The following FETUB variants were observed in gnomAD, a reference collection of about 807,000 sequenced individuals.
The protein encoded by FETUB is fetuin B, also known as fetuin-B.
A neutral mutation model predicts 30.9 loss-of-function variants in FETUB; 28 were observed. The ratio of observed to expected loss-of-function variants is 0.90; its 90% CI spans 0.67 to 1.24. The LOEUF is 1.24. Ranked by LOEUF, FETUB falls within the 50% of genes most tolerant of loss-of-function variation. The probability of loss-of-function intolerance (pLI) is 0.00; values close to 1 mark genes in which losing one functional copy is unlikely to be tolerated. For synonymous variants in FETUB, 186 were observed against 175.9 expected, an observed-to-expected ratio of 1.06 and a Z score of -0.45; for missense variants, 469 against 455.3, an observed-to-expected ratio of 1.03 and a Z score of -0.27.
chr3:186,637,469 G>C (rs1716808333), upstream of FETUB, among the ~76,000 whole-genome samples: 1 of 152,154 alleles, frequency 6.6e-6, no homozygotes, highest in Non-Finnish European at 1.5e-5. Context: ...GTCTCTCTCA[G>C]CTCTGCAGCC....
Position 186,641,023 on chromosome 3 carries a change from C to A in FETUB, c.226-7C>A, listed in dbSNP as rs1303179679. 1.3e-6 allele frequency: 2 copies of A among 1,583,040 alleles called. No homozygotes were observed. The highest frequency in any genetic ancestry group is 1.7e-5 in the Admixed American group (1 of 59,926). ...AATGTATTGCATTTCTCTACCCCTT[C>A]CCACAGGGTGGCCTGGGATCTCTGT... On this transcript the variant is annotated splice_region_variant and splice_polypyrimidine_tract_variant and intron_variant, in intron 1 of 6. Transcript: ENST00000265029.
rs375098849 is a variant in FETUB, at chr3:186,644,675, A to G, written c.425-76A>G. On this transcript the variant is annotated intron_variant, in intron 3 of 6. Transcript: ENST00000265029. Reference sequence around the variant, plus strand: ...ATTCCAGAGGTAACTTCCTCACCCCATCCTTGCCTCTTTACAGTCATATGA... The same window carrying G: ...ATTCCAGAGGTAACTTCCTCACCCCGTCCTTGCCTCTTTACAGTCATATGA... 1.0e-5 allele frequency: 12 copies of G among 1,205,140 alleles called. No homozygotes were observed. In the East Asian group the frequency reaches 1.2e-4, roughly 12 times the overall value. The allele number at this position is 1,205,140 out of a possible 1,614,324, so 74.7% of individuals were successfully genotyped here. A position where few individuals can be genotyped will look rare whatever the true frequency, so the allele number is the denominator to read the frequency against.
upstream of FETUB, among the ~76,000 whole-genome samples, chr3:186,636,919 C>T (rs776176348): frequency 6.6e-6 from 1 of 152,154 alleles, no homozygotes; most frequent in Non-Finnish European, 1.5e-5. Context: ...TCTTGACTTC[C>T]CCAGTAGAAC....
In FETUB at chr3:186,642,362, C is replaced by A. The variant is rs946258378; in HGVS notation, c.337-109C>A. 58 of 692,016 alleles carry A rather than the reference C, an allele frequency of 8.4e-5. 1 individual carries two copies. Among genetic ancestry groups the A allele is most frequent in the South Asian group, 3.9e-4 (22 of 56,246 alleles). 42.9% of individuals were successfully genotyped at this position (692,016 alleles called of 1,614,324 possible). A position where few individuals can be genotyped will look rare whatever the true frequency, so the allele number is the denominator to read the frequency against. On this transcript the variant is annotated intron_variant, in intron 2 of 6. Transcript: ENST00000265029. Reference sequence around the variant, plus strand: ...CCCAGCCAAAACCACAGAATTTGATCTTAAGTTTCTAACTACTTTAAAAGA... The same window carrying A: ...CCCAGCCAAAACCACAGAATTTGATATTAAGTTTCTAACTACTTTAAAAGA...
rs146211091 is a variant in FETUB, at chr3:186,642,233, A to T, written c.337-238A>T. 2,012 of 458,010 alleles carry T rather than the reference A, an allele frequency of 4.4e-3. 16 individuals carry two copies. The highest frequency in any genetic ancestry group is 5.7e-3 in the Non-Finnish European group (1,481 of 258,570). The allele number at this position is 458,010 out of a possible 1,614,324, so 28.4% of individuals were successfully genotyped here. A position where few individuals can be genotyped will look rare whatever the true frequency, so the allele number is the denominator to read the frequency against. ...CACTTCTGCTCACCTTCCTGTGGTT[A>T]GAACTCAATTATACACAGTCACACG... On this transcript the variant is annotated intron_variant, in intron 2 of 6. Transcript: ENST00000265029.
chr3:186,652,596 G>A lies in FETUB; in HGVS notation c.1114G>A (p.Ala372Thr). Residue 372 changes from alanine (A) to threonine (T), a missense_variant, in exon 7 of 7, where the codon GCC becomes ACC. Coordinates refer to ENST00000265029, the MANE Select transcript of FETUB (RefSeq NM_014375.3). The part of the protein sequence containing the change: ...KARTAECPGP[A>T]QNASPLVLPP ...ACGCACTGCTGAGTGCCCAGGGCCA[G>A]CCCAGAATGCCAGCCCTCTTGTCCT... 6.2e-7 allele frequency: 1 copy of A among 1,611,568 alleles called. No individual in the cohort carries two copies. Among genetic ancestry groups the A allele is most frequent in the Non-Finnish European group, 8.5e-7 (1 of 1,179,304 alleles).
chr3:186,645,338 G>A (rs1560023403), intron 4 of FETUB, among the ~76,000 whole-genome samples: 1 of 152,140 alleles, frequency 6.6e-6, no homozygotes, highest in Non-Finnish European at 1.5e-5. Context: ...TTTGTATTTA[G>A]ATTATGTTGA....
rs1717371298 is a variant in FETUB at position 186,644,887 on chromosome 3, T to G, written c.561T>G (p.Tyr187Ter). 1 of 1,613,706 alleles carries G rather than the reference T, an allele frequency of 6.2e-7. No homozygotes were observed. The highest frequency in any genetic ancestry group is 1.3e-5 in the African/African-American group (1 of 75,010). ...KYNNENTSKQ[Y>*]SLFKVTRASS... ...ACAATGAGAACACATCCAAGCAGTA[T>G]TCTCTCTTCAAAGTCACCAGGGCTT... Residue 187 changes from tyrosine (Y) to a stop codon, truncating the protein, a stop_gained, in exon 4 of 7, where the codon TAT becomes TAG. Transcript: ENST00000265029. LOFTEE classifies it high-confidence loss of function.
At chr3:186,646,812 C>G (rs137946584) in intron 5 of FETUB, among the ~76,000 whole-genome samples, 3 of 152,294 alleles carry the variant, frequency 2.0e-5, no homozygotes, top group African/African-American at 7.2e-5. Context: ...CACCAAAATA[C>G]TTTTCCTCTC....
At chr3:186,646,689 G>C (rs1717575027) in intron 5 of FETUB, among the ~76,000 whole-genome samples, 1 of 152,254 alleles carries the variant, frequency 6.6e-6, no homozygotes, top group South Asian at 2.1e-4. Context: ...AAGTCAAATA[G>C]GCCTTCATTC....
In FETUB at chr3:186,652,314, C is replaced by T; in HGVS notation, c.832C>T (p.Leu278Phe). ...NSAVNQKPTN[L>F]PKVEESQQKN... The stretch of plus-strand genomic sequence containing the variant: ...TGCTGTTAACCAGAAACCTACAAAC[C>T]TTCCCAAGGTGGAAGAATCCCAGCA... The change falls in exon 7 of 7, where the codon CTT (leucine) becomes TTT (phenylalanine). Residue 278 changes from leucine to phenylalanine, a missense_variant. By Grantham distance (22) the Leu-to-Phe change is conservative (BLOSUM62 0). Transcript: ENST00000265029. 2 of 1,593,002 alleles carry T rather than the reference C, an allele frequency of 1.3e-6. No individual in the cohort carries two copies. Among genetic ancestry groups the T allele is most frequent in the Non-Finnish European group, 1.7e-6 (2 of 1,173,554 alleles).
rs879044003 is a variant in FETUB at position 186,642,727 on chromosome 3, T to A, written c.424+169T>A. ...TACCTCCTTACTGAAATTCATACTA[T>A]ACTGCTCCTCTTCCCACAATTAATC... On this transcript the variant is annotated intron_variant, in intron 3 of 6. Coordinates refer to ENST00000265029, the MANE Select transcript of FETUB (RefSeq NM_014375.3). Among the ~76,000 whole-genome samples the A allele has an allele frequency of 2.6e-5, 4 of 152,250 alleles. No individual in the cohort carries two copies. In the South Asian group the frequency reaches 8.3e-4, roughly 31 times the overall value.
At position 186,651,297 on chromosome 3, in the gene FETUB, C is replaced by T; in HGVS notation, c.776C>T (p.Ser259Leu). The change falls in exon 6 of 7, where the codon TCA becomes TTA. Residue 259 changes from serine to leucine, a missense_variant. Ser to Leu is a moderately radical substitution (Grantham distance 145). Transcript: ENST00000265029. ...FVSVTCDFFESQAPATGSENS... is the reference protein window; with the variant it reads ...FVSVTCDFFELQAPATGSENS... ...TCTGTGACTTGTGACTTCTTTGAAT[C>T]ACAGGTATTTTTCAATCTAATTGCC... 6.2e-7 allele frequency: 1 copy of T among 1,604,574 alleles called. No homozygotes were observed. The highest frequency in any genetic ancestry group is 2.2e-5 in the East Asian group (1 of 44,834).
chr3:186,650,835 A>C (rs537382753), intron 5 of FETUB, among the ~76,000 whole-genome samples: 1 of 152,236 alleles, frequency 6.6e-6, no homozygotes, highest in African/African-American at 2.4e-5. Flanking sequence ...TTGTCTGAGA[A>C]GAGAAATGTC....
intron 5 of FETUB, among the ~76,000 whole-genome samples, chr3:186,647,810 G>A (rs373086201): frequency 1.6e-4 from 25 of 151,872 alleles, no homozygotes; most frequent in African/African-American, 5.6e-4. Flanking sequence ...TCTTGACAAC[G>A]TTCTTTGAAA....
At chr3:186,643,853 G>A (rs1045810607) in intron 3 of FETUB, among the ~76,000 whole-genome samples, 2 of 152,112 alleles carry the variant, frequency 1.3e-5, no homozygotes, top group African/African-American at 2.4e-5. Flanking sequence ...TTTCACACTA[G>A]GCTTATTGAC....
chr3:186,645,708 G>A (rs1717449365), intron 4 of FETUB, among the ~76,000 whole-genome samples: 1 of 150,606 alleles, frequency 6.6e-6, no homozygotes. Context: ...AGGTGTTTAG[G>A]GCCCATTCAA....
intron 3 of FETUB, 104 bp downstream of exon 3, chr3:186,642,662 T>C (rs900161843): frequency 3.4e-5 from 25 of 739,258 alleles, no homozygotes; most frequent in East Asian, 7.7e-5. Context: ...TCTTATTTTC[T>C]GTTTATTCTT....
In FETUB at chr3:186,646,241, A is replaced by C. The variant is rs747528344; in HGVS notation, c.595-7A>C. 5 of 1,604,652 alleles carry C rather than the reference A, an allele frequency of 3.1e-6. No individual in the cohort carries two copies. In the Admixed American group the frequency reaches 8.3e-5, roughly 27 times the overall value. On this transcript the variant is annotated splice_region_variant and splice_polypyrimidine_tract_variant and intron_variant, in intron 4 of 6. Transcript: ENST00000265029. ...ATTTTTATGTCTCAACTCTTGTCTC[A>C]TAACAGTGGGTGGTCGGCCCTTCTT... is the stretch of plus-strand genomic sequence containing the variant.
Sources: gnomAD v4.1 joint callset for allele counts (sites outside exome capture counted in the v4.1 genomes callset) on GRCh38, gnomAD v4.1.1 for gene constraint, MANE v1.5 for transcripts, NCBI Gene and HGNC (gene_info 2026-07-23, HGNC 2026-07-21) for gene names.